TIAL1: variants seen among roughly 807,000 people sequenced by gnomAD.
The protein encoded by TIAL1 is TIA1 cytotoxic granule associated RNA binding protein like 1, also known as nucleolysin TIAR.
TIAL1 carries 7 observed loss-of-function variants against 59.7 expected under a neutral mutation model. The observed-to-expected ratio is 0.12, with a 90% CI of 0.07 to 0.22. TIAL1 has a LOEUF of 0.22. Among genes scored for constraint, TIAL1 ranks in the 10% least tolerant of loss-of-function variants. TIAL1 has a pLI of 1.00. For synonymous variants in TIAL1, 149 were observed against 146.3 expected (o/e 1.02, Z -0.13); for missense variants, 225 against 462.5 (o/e 0.49, Z 4.71).
chr10:119,577,757 A>G, intron 7 of TIAL1, 21 bp from the exon 8 acceptor site: 1 of 1,570,212 alleles, frequency 6.4e-7, no homozygotes, highest in Non-Finnish European at 8.8e-7. Flanking sequence ...AAACAAAACA[A>G]AAACGTTGAC....
At position 119,588,173 on chromosome 10, in the gene TIAL1, T is replaced by C; in HGVS notation, c.108A>G (p.Lys36=). ...TTACCTCTGTTATCATTTTACAGCT[T>C]TTACAGGGTCCAATCTGACTGAACA... The part of the protein sequence containing the change: ...LQLFSQIGPC[K]SCKMITEHTS... Residue 36 remains lysine (K), a synonymous_variant, in exon 2 of 12, where the codon AAA becomes AAG. Coordinates refer to ENST00000436547, the MANE Select transcript of TIAL1 (RefSeq NM_003252.4). The C allele has an allele frequency of 6.3e-7, 1 of 1,591,524 alleles. No individual in the cohort carries two copies. The highest frequency in any genetic ancestry group is 8.6e-7 in the Non-Finnish European group (1 of 1,167,266).
intron 11 of TIAL1, among the ~76,000 whole-genome samples, chr10:119,576,146 AT>A (rs1452330604): frequency 6.8e-6 from 1 of 146,048 alleles, no homozygotes; most frequent in Non-Finnish European, 1.5e-5. Flanking sequence ...AAATAAAGCT[AT>A]GGGCTGGCCC....
intron 1 of TIAL1, among the ~76,000 whole-genome samples, chr10:119,595,191 G>A (rs1345994103): frequency 2.0e-5 from 3 of 152,154 alleles, no homozygotes; most frequent in Admixed American, 6.5e-5. Flanking sequence ...TTCTTTGGTA[G>A]GAGTGAAGAG....
intron 2 of TIAL1, among the ~76,000 whole-genome samples, chr10:119,585,258 C>T (rs1447256412): frequency 6.6e-6 from 1 of 151,594 alleles, no homozygotes; most frequent in African/African-American, 2.4e-5. Context: ...GCCAGAAGTT[C>T]GGGACCATTG....
intron 1 of TIAL1, chr10:119,593,464 C>T: frequency 1.0e-6 from 1 of 985,598 alleles, no homozygotes; most frequent in Non-Finnish European, 1.2e-6. Context: ...AGGCTCTAAA[C>T]ACCATATTGT....
At chr10:119,588,646 C>T (rs930321610) in intron 1 of TIAL1, among the ~76,000 whole-genome samples, 2 of 151,992 alleles carry the variant, frequency 1.3e-5, no homozygotes, top group East Asian at 3.9e-4. Flanking sequence ...GCCCGGCCAC[C>T]TTTTATTTCA....
In TIAL1 at chr10:119,582,082, G is replaced by A. The variant is rs373564811; in HGVS notation, c.284-73C>T. 6.3e-6 allele frequency: 10 copies of A among 1,594,104 alleles called. No homozygotes were observed. The highest frequency in any genetic ancestry group is 8.6e-6 in the Non-Finnish European group (10 of 1,168,362). On this transcript the variant is annotated intron_variant, in intron 4 of 11. Transcript: ENST00000436547. The surrounding 1 kb of genome is among the most constrained non-coding windows in gnomAD (Gnocchi z 5.1). ...AAAACCTTTTTAAGGCAACTCTAGAGGAGGAAAAAAAAACCTATTTAAGCT... is the reference window on the plus strand; with the variant it reads ...AAAACCTTTTTAAGGCAACTCTAGAAGAGGAAAAAAAAACCTATTTAAGCT...
At chr10:119,587,952 T>C (rs994571145) in intron 2 of TIAL1, among the ~76,000 whole-genome samples, 200 bp downstream of exon 2, 3 of 152,250 alleles carry the variant, frequency 2.0e-5, no homozygotes, top group African/African-American at 7.2e-5. Context: ...GAATGACCGT[T>C]TGAGCTTAAC....
chr10:119,595,886 G>T (rs752154182), intron 1 of TIAL1, among the ~76,000 whole-genome samples: 1 of 152,304 alleles, frequency 6.6e-6, no homozygotes, highest in East Asian at 1.9e-4. Flanking sequence ...GGGCACGTGG[G>T]GCATAAAGAG....
At position 119,596,632 on chromosome 10, in the gene TIAL1, C is replaced by T. The variant is rs1846216563; in HGVS notation, c.-167G>A. On this transcript the variant is annotated 5_prime_UTR_variant, in exon 1 of 12. Coordinates refer to ENST00000436547, the MANE Select transcript of TIAL1 (RefSeq NM_003252.4). ...CCCCCAGCCCGCTCCGGACACTGCG[C>T]TCCAACCAGGAGGAGCAGGAGGAGG... is the stretch of plus-strand genomic sequence containing the variant. 1.6e-6 allele frequency: 1 copy of T among 612,952 alleles called. No individual in the cohort carries two copies. The highest frequency in any genetic ancestry group is 2.9e-6 in the Non-Finnish European group (1 of 348,776). The allele number at this position is 612,952 out of a possible 1,614,324, so 38.0% of individuals were successfully genotyped here. A position where few individuals can be genotyped will look rare whatever the true frequency, so the allele number is the denominator to read the frequency against.
intron 5 of TIAL1, among the ~76,000 whole-genome samples, chr10:119,581,159 A>G (rs1554864553): frequency 1.3e-5 from 2 of 152,114 alleles, no homozygotes. Flanking sequence ...TACAGGAAAT[A>G]TACAAAATAA....
At chr10:119,576,968 A>G in intron 10 of TIAL1, 112 bp downstream of exon 10, 2 of 1,422,728 alleles carry the variant, frequency 1.4e-6, no homozygotes, top group Non-Finnish European at 1.9e-6. Flanking sequence ...AAATACAATC[A>G]ACTGAAAGTA....
intron 2 of TIAL1, among the ~76,000 whole-genome samples, chr10:119,586,185 C>T (rs1208080923): frequency 6.6e-6 from 1 of 152,276 alleles, no homozygotes; most frequent in Non-Finnish European, 1.5e-5. Flanking sequence ...AATCTAACAT[C>T]CAAAACACAA....
chr10:119,592,805 A>G (rs1589886452), intron 1 of TIAL1, among the ~76,000 whole-genome samples: 1 of 151,794 alleles, frequency 6.6e-6, no homozygotes, highest in African/African-American at 2.4e-5. Context: ...TCTCTCTCTT[A>G]CTTTAAAGAA....
At position 119,596,499 on chromosome 10, in the gene TIAL1, G is replaced by A. The variant is rs745839504; in HGVS notation, c.-34C>T. On this transcript the variant is annotated 5_prime_UTR_variant, in exon 1 of 12. Transcript: ENST00000436547. ...CGACGGAGCGATCCCGGGACAAGGG[G>A]GAGGGCAGGGTTGGGGAGGGGAGGG... The A allele has an allele frequency of 1.4e-6, 2 of 1,466,666 alleles. No individual in the cohort carries two copies. The highest frequency in any genetic ancestry group is 2.3e-5 in the East Asian group (1 of 42,638). 90.9% of individuals were successfully genotyped at this position (1,466,666 alleles called of 1,614,324 possible).
chr10:119,596,890 C>A lies in TIAL1; in HGVS notation c.-425G>T. 1 of 187,868 alleles carries A rather than the reference C, an allele frequency of 5.3e-6. No individual in the cohort carries two copies. Among genetic ancestry groups the A allele is most frequent in the African/African-American group, 2.4e-5 (1 of 42,360 alleles). 11.6% of individuals were successfully genotyped at this position (187,868 alleles called of 1,614,324 possible). On this transcript the variant is annotated 5_prime_UTR_variant, in exon 1 of 12. Transcript: ENST00000436547. ...CCAGCCAGCTCCGGGAGAGATCGGG[C>A]AAAAAGAGAAACGTCGTGAAGCCGA... is the stretch of plus-strand genomic sequence containing the variant.
intron 2 of TIAL1, among the ~76,000 whole-genome samples, chr10:119,586,134 G>C (rs1845562109): frequency 6.6e-6 from 1 of 152,090 alleles, no homozygotes; most frequent in Admixed American, 6.5e-5. Flanking sequence ...TTATCCAACT[G>C]CCTAATCTAA....
intron 1 of TIAL1, chr10:119,592,174 G>T (rs1445734233): frequency 6.6e-6 from 1 of 152,108 alleles, no homozygotes; most frequent in Non-Finnish European, 1.5e-5. Context: ...TTTTTGTATT[G>T]AGAGGTCAAT....
chr10:119,584,700 G>A lies in TIAL1; in HGVS notation c.130-2143C>T, dbSNP rs558395162. ...AAAAATTAGCTGGGTGTGGTGGCGG[G>A]CGCCTGTAATCCCAGCTACTCAGGA... On this transcript the variant is annotated intron_variant, in intron 2 of 11. Coordinates refer to ENST00000436547, the MANE Select transcript of TIAL1 (RefSeq NM_003252.4). 2.0e-5 allele frequency among the ~76,000 whole-genome samples: 3 copies of A among 152,206 alleles called. No homozygotes were observed. The South Asian group carries it at 6.2e-4, about 32-fold the overall frequency.
Sources: gnomAD v4.1 joint callset for allele counts (sites outside exome capture counted in the v4.1 genomes callset) on GRCh38, gnomAD v4.1.1 for gene constraint, Gnocchi (gnomAD v3.1) non-coding constraint, MANE v1.5 for transcripts, NCBI Gene and HGNC (gene_info 2026-07-23, HGNC 2026-07-21) for gene names.